Variants in CTNNA2 observed in about 807,000 individuals in gnomAD.
CTNNA2 encodes the protein catenin alpha 2.
CTNNA2 carries 42 observed loss-of-function variants against 101.0 expected under a neutral mutation model. The ratio of observed to expected loss-of-function variants is 0.42; its 90% CI spans 0.32 to 0.54. The LOEUF (loss-of-function observed/expected upper bound fraction) is 0.54, where lower values mean the gene tolerates loss of function less well. CTNNA2 is among the 20% of genes least tolerant of loss of function. CTNNA2 has a pLI of 0.14. For synonymous variants in CTNNA2, 450 were observed against 456.4 expected, an observed-to-expected ratio of 0.99 and a Z score of 0.18; for missense variants, 871 against 1,223.1, an observed-to-expected ratio of 0.71 and a Z score of 4.29.
intron 9 of CTNNA2, among the ~76,000 whole-genome samples, chr2:80,525,842 C>T (rs534947036): frequency 3.3e-5 from 5 of 152,246 alleles, no homozygotes; most frequent in East Asian, 3.9e-4. Flanking sequence ...AGGTGCAATA[C>T]GTGTGCCTGG....
chr2:79,348,299 G>A (rs1358708773), intron 3 of CTNNA2, among the ~76,000 whole-genome samples: 4 of 152,138 alleles, frequency 2.6e-5, no homozygotes, highest in African/African-American at 9.7e-5. Flanking sequence ...GGGAACTGAG[G>A]TTTAGAATGG....
chr2:80,645,585 T>TAAG (rs1673990526), intron 18 of CTNNA2, among the ~76,000 whole-genome samples: 2 of 151,666 alleles, frequency 1.3e-5, no homozygotes, highest in African/African-American at 4.9e-5. Flanking sequence ...ATTCAGTAAG[T>TAAG]TTTGGATTGG....
chr2:80,231,436 A>G (rs1709206600), intron 7 of CTNNA2, among the ~76,000 whole-genome samples: 2 of 152,188 alleles, frequency 1.3e-5, no homozygotes, highest in African/African-American at 4.8e-5. Flanking sequence ...TGTCCTTCTT[A>G]GGCAATTTCT....
At chr2:79,222,348 C>T (rs926741607) in intron 2 of CTNNA2, among the ~76,000 whole-genome samples, 8 of 152,192 alleles carry the variant, frequency 5.3e-5, no homozygotes, top group Admixed American at 4.6e-4. Flanking sequence ...GTTCATCCTT[C>T]TTCTGTAGGA....
At chr2:79,370,772 C>T (rs1677852511) in intron 3 of CTNNA2, among the ~76,000 whole-genome samples, 1 of 152,152 alleles carries the variant, frequency 6.6e-6, no homozygotes, top group African/African-American at 2.4e-5. Flanking sequence ...GTTATAGTCT[C>T]TTTCTGAAAT....
At chr2:80,120,705 C>G (rs1276002738) in intron 7 of CTNNA2, among the ~76,000 whole-genome samples, 2 of 152,134 alleles carry the variant, frequency 1.3e-5, no homozygotes, top group African/African-American at 4.8e-5. Flanking sequence ...ATATTGGCCA[C>G]AAATCATGAT....
chr2:80,093,280 T>A (rs1161552527), intron 7 of CTNNA2, among the ~76,000 whole-genome samples: 1 of 152,122 alleles, frequency 6.6e-6, no homozygotes, highest in Non-Finnish European at 1.5e-5. Flanking sequence ...TTGCGATAGT[T>A]TGCTGAGAAT....
At chr2:79,749,290 C>T (rs781158395) in intron 3 of CTNNA2, among the ~76,000 whole-genome samples, 2 of 152,038 alleles carry the variant, frequency 1.3e-5, no homozygotes, top group Non-Finnish European at 2.9e-5. Context: ...TCGGAGTATG[C>T]GTAAGTTTTT....
At chr2:79,315,522 G>T (rs1284277165) in intron 3 of CTNNA2, among the ~76,000 whole-genome samples, 1 of 152,050 alleles carries the variant, frequency 6.6e-6, no homozygotes, top group Non-Finnish European at 1.5e-5. Context: ...TTTGCGACAG[G>T]CTTTTATTTA....
At chr2:80,277,634 G>A (rs1314908199) in intron 7 of CTNNA2, among the ~76,000 whole-genome samples, 1 of 150,868 alleles carries the variant, frequency 6.6e-6, no homozygotes, top group Non-Finnish European at 1.5e-5. Context: ...AGAAAATAGG[G>A]ACCTTCTGGT....
At chr2:79,641,965 C>T (rs1359287912) in intron 1 of CTNNA2, among the ~76,000 whole-genome samples, 1 of 152,054 alleles carries the variant, frequency 6.6e-6, no homozygotes, top group African/African-American at 2.4e-5. Flanking sequence ...ACTCAGCAAA[C>T]TCTAGGCCAT....
chr2:79,402,472 C>T (rs904226278), intron 4 of CTNNA2, among the ~76,000 whole-genome samples: 2 of 151,568 alleles, frequency 1.3e-5, no homozygotes, highest in South Asian at 2.1e-4. Context: ...TATGTACATG[C>T]CTATGATGAA....
At chr2:79,989,070 A>C (rs955763598) in intron 7 of CTNNA2, among the ~76,000 whole-genome samples, 2 of 152,224 alleles carry the variant, frequency 1.3e-5, no homozygotes, top group African/African-American at 4.8e-5. Context: ...AGAATTGCAT[A>C]GTCCTTTAGG....
At chr2:79,288,222 C>G (rs1295756622) in intron 2 of CTNNA2, among the ~76,000 whole-genome samples, 1 of 152,258 alleles carries the variant, frequency 6.6e-6, no homozygotes, top group African/African-American at 2.4e-5. Flanking sequence ...GTCACTCACG[C>G]TGGGAGCTAT....
intron 1 of CTNNA2, among the ~76,000 whole-genome samples, chr2:79,560,500 T>C (rs1422647610): frequency 6.6e-6 from 1 of 151,962 alleles, no homozygotes; most frequent in African/African-American, 2.4e-5. Context: ...TAATTCAGGT[T>C]GCTGGCTTCT....
chr2:80,229,271 G>GT (rs1406129277), intron 7 of CTNNA2, among the ~76,000 whole-genome samples: 2 of 152,130 alleles, frequency 1.3e-5, no homozygotes, highest in African/African-American at 4.8e-5. Context: ...TAGCTAACTG[G>GT]TGACAACATC....
chr2:80,247,928 T>C (rs1051695817), intron 7 of CTNNA2, among the ~76,000 whole-genome samples: 5 of 152,188 alleles, frequency 3.3e-5, no homozygotes, highest in African/African-American at 1.2e-4. Context: ...TGCAGGTTAT[T>C]GAAATCTAGA....
chr2:79,227,291 G>A (rs533407820), intron 2 of CTNNA2, among the ~76,000 whole-genome samples: 1 of 152,268 alleles, frequency 6.6e-6, no homozygotes, highest in South Asian at 2.1e-4. Context: ...CCCAGGGGTA[G>A]GACTAGAAGG....
intron 4 of CTNNA2, among the ~76,000 whole-genome samples, chr2:79,859,809 G>C (rs2103960430): frequency 6.6e-6 from 1 of 152,114 alleles, no homozygotes; most frequent in South Asian, 2.1e-4. Flanking sequence ...GAGTAACTGG[G>C]TTTCATCTTG....
Sources: gnomAD v4.1 joint callset for allele counts (sites outside exome capture counted in the v4.1 genomes callset) on GRCh38, gnomAD v4.1.1 for gene constraint, MANE v1.5 for transcripts, NCBI Gene and HGNC (gene_info 2026-07-23, HGNC 2026-07-21) for gene names.